The following PDGFRB variants were observed in gnomAD, a reference collection of about 807,000 sequenced individuals.
PDGFRB encodes the protein platelet derived growth factor receptor beta.
In PDGFRB, 42 loss-of-function variants were observed where a neutral mutation model predicts 120.2. The ratio of observed to expected loss-of-function variants is 0.35; its 90% CI spans 0.27 to 0.45. The LOEUF is 0.45. PDGFRB is among the 20% of genes least tolerant of loss of function. PDGFRB has a pLI of 1.00. For missense variants in PDGFRB, 1,149 were observed against 1,476.3 expected, an observed-to-expected ratio of 0.78 and a Z score of 3.63; for synonymous variants, 586 against 606.8, an observed-to-expected ratio of 0.97 and a Z score of 0.50.
At chr5:150,143,952 C>T (rs1760848392) in intron 1 of PDGFRB, among the ~76,000 whole-genome samples, 1 of 152,126 alleles carries the variant, frequency 6.6e-6, no homozygotes, top group Admixed American at 6.5e-5. Context: ...ATTCTCTGTG[C>T]CACGCTGCTT....
chr5:150,134,365 G>A (rs1252188925), intron 4 of PDGFRB, among the ~76,000 whole-genome samples: 1 of 152,204 alleles, frequency 6.6e-6, no homozygotes, highest in Non-Finnish European at 1.5e-5. Flanking sequence ...TTGATCCTAT[G>A]AGGTAGGCAG....
Position 150,130,627 on chromosome 5 carries a change from G to C in PDGFRB, c.1279C>G (p.Pro427Ala). ...VRVLELSESH[P>A]DSGEQTVRCR... ...CGGACTGTCTGTTCCCCACTGTCAG[G>C]GTGGCTCTCACTTAGCTCCAGCACT... The change falls in exon 9 of 23, where the codon CCT becomes GCT. Residue 427 changes from proline (P) to alanine (A), a missense_variant. Around this residue, in one of 3 missense-constraint regions of PDGFRB, gnomAD observed 879 missense variants for 1,108.6 expected, o/e 0.79. Coordinates refer to ENST00000261799, the MANE Select transcript of PDGFRB (RefSeq NM_002609.4). 1 of 1,612,744 alleles carries C rather than the reference G, an allele frequency of 6.2e-7. No individual in the cohort carries two copies. The highest frequency in any genetic ancestry group is 8.5e-7 in the Non-Finnish European group (1 of 1,179,534).
At position 150,130,674 on chromosome 5, in the gene PDGFRB, G is replaced by A; in HGVS notation, c.1244-12C>T. On this transcript the variant is annotated splice_polypyrimidine_tract_variant and intron_variant, in intron 8 of 22. Transcript: ENST00000261799. Reference sequence around the variant, plus strand: ...CACTCGGACAGGGACTGCATGGAGAGAGCACTGAGTTAGGAGGCGGGAGGG... The same window carrying A: ...CACTCGGACAGGGACTGCATGGAGAAAGCACTGAGTTAGGAGGCGGGAGGG... The A allele has an allele frequency of 4.3e-6, 7 of 1,612,658 alleles. No homozygotes were observed. Among genetic ancestry groups the A allele is most frequent in the Non-Finnish European group, 5.9e-6 (7 of 1,179,726 alleles).
chr5:150,139,159 G>A (rs1003813336), intron 1 of PDGFRB, among the ~76,000 whole-genome samples: 2 of 152,202 alleles, frequency 1.3e-5, no homozygotes, highest in African/African-American at 4.8e-5. Flanking sequence ...ATGGGCAGCA[G>A]AGGCCCAGAG....
chr5:150,122,515 T>C (rs1760170660), intron 15 of PDGFRB, among the ~76,000 whole-genome samples: 1 of 152,280 alleles, frequency 6.6e-6, no homozygotes. Flanking sequence ...GGAGACTGAA[T>C]GTCAAAACAT....
intron 10 of PDGFRB, among the ~76,000 whole-genome samples, chr5:150,128,512 C>T (rs536921158): frequency 1.4e-3 from 219 of 152,348 alleles, no homozygotes; most frequent in South Asian, 2.7e-3. Flanking sequence ...GCACTTCCTT[C>T]CCCTTTATCT....
At chr5:150,130,488 T>A in intron 9 of PDGFRB, 51 bp downstream of exon 9, 2 of 1,585,624 alleles carry the variant, frequency 1.3e-6, no homozygotes, top group Non-Finnish European at 1.7e-6. Flanking sequence ...CTTCACGAGC[T>A]TTTTCTAGCC....
At chr5:150,134,271 C>A (rs1398951678) in intron 4 of PDGFRB, among the ~76,000 whole-genome samples, 1 of 152,124 alleles carries the variant, frequency 6.6e-6, no homozygotes, top group Non-Finnish European at 1.5e-5. Flanking sequence ...ATCAAAGTAC[C>A]CTCTGGAGAT....
In PDGFRB at chr5:150,129,878, C is replaced by G. The variant is rs764129390; in HGVS notation, c.1458G>C (p.Glu486Asp). The G allele has an allele frequency of 1.2e-6, 2 of 1,614,102 alleles. No homozygotes were observed. Among genetic ancestry groups the G allele is most frequent in the Non-Finnish European group, 1.7e-6 (2 of 1,179,918 alleles). The stretch of plus-strand genomic sequence containing the variant: ...GTGTGCTCACCACCTCAAACTCCTG[C>G]TCCTCCTCCCAGTACGTCACGTTAG... ...LETNVTYWEE[E>D]QEFEVVSTLR... Residue 486 changes from glutamate (E) to aspartate (D), a missense_variant, in exon 10 of 23, where the codon GAG (glutamate) becomes GAC (aspartate). Around this residue, in one of 3 missense-constraint regions of PDGFRB, gnomAD observed 879 missense variants for 1,108.6 expected, o/e 0.79. Transcript: ENST00000261799.
At chr5:150,136,039 C>T (rs1447884532) in intron 2 of PDGFRB, among the ~76,000 whole-genome samples, 161 bp from the exon 3 acceptor site, 2 of 152,182 alleles carry the variant, frequency 1.3e-5, no homozygotes, top group African/African-American at 4.8e-5. Context: ...CTCTGAGGAC[C>T]GCTCGCCCAG....
Position 150,121,238 on chromosome 5 carries a change from A to G in PDGFRB, c.2429T>C (p.Val810Ala), listed in dbSNP as rs554704450. The G allele has an allele frequency of 2.2e-5, 35 of 1,600,630 alleles. 1 individual carries two copies. In the South Asian group the frequency reaches 3.4e-4, roughly 16 times the overall value. The change falls in exon 17 of 23, where the codon GTG becomes GCG. Residue 810 changes from valine (V) to alanine (A), a missense_variant. Physicochemically the swap from Val to Ala is moderately conservative, Grantham distance 64 (BLOSUM62 0). Coordinates refer to ENST00000261799, the MANE Select transcript of PDGFRB (RefSeq NM_002609.4). This position sits in a 1 kb window ranked among gnomAD's most constrained non-coding sequence, Gnocchi z 4.1. Reference sequence around the variant, plus strand: ...GGCCAGAAACTCCATGCCATTGGCCACCTGGTAGCTGAAGCCCACGAGGTC... The same window carrying G: ...GGCCAGAAACTCCATGCCATTGGCCGCCTGGTAGCTGAAGCCCACGAGGTC... Reference protein sequence around the residue: ...YMDLVGFSYQVANGMEFLASK... With the variant: ...YMDLVGFSYQAANGMEFLASK...
chr5:150,117,923 C>T (rs546272750), intron 21 of PDGFRB, 73 bp from the exon 22 acceptor site: 13 of 805,730 alleles, frequency 1.6e-5, no homozygotes, highest in African/African-American at 8.5e-5. Flanking sequence ...ATCTTCTAAC[C>T]GAGCCCATCC....
intron 1 of PDGFRB, among the ~76,000 whole-genome samples, chr5:150,152,373 T>C (rs1056269774): frequency 6.6e-6 from 1 of 152,206 alleles, no homozygotes; most frequent in Non-Finnish European, 1.5e-5. Context: ...TATATCATCA[T>C]GCTCACACTG....
At chr5:150,148,680 C>T (rs181686325) in intron 1 of PDGFRB, among the ~76,000 whole-genome samples, 1 of 152,234 alleles carries the variant, frequency 6.6e-6, no homozygotes, top group Non-Finnish European at 1.5e-5. Flanking sequence ...CATGGGAGAC[C>T]TCCTTTTCCA....
intron 1 of PDGFRB, among the ~76,000 whole-genome samples, chr5:150,150,793 C>T (rs1008580592): frequency 2.0e-5 from 3 of 152,156 alleles, no homozygotes; most frequent in African/African-American, 4.8e-5. Flanking sequence ...CATTCCCCCC[C>T]TCACCTCTGG....
intron 2 of PDGFRB, among the ~76,000 whole-genome samples, chr5:150,136,189 T>G (rs1760625847): frequency 1.3e-5 from 2 of 152,220 alleles, no homozygotes; most frequent in Non-Finnish European, 2.9e-5. Context: ...TTCCCTGGCC[T>G]CCAGTTCCTG....
At chr5:150,154,421 T>C (rs1761173615) in intron 1 of PDGFRB, among the ~76,000 whole-genome samples, 1 of 152,170 alleles carries the variant, frequency 6.6e-6, no homozygotes, top group African/African-American at 2.4e-5. Flanking sequence ...AAGTTCCTCA[T>C]GTATAAAACG....
intron 22 of PDGFRB, 76 bp downstream of exon 22, chr5:150,117,542 G>GCACACA (rs1289430637): frequency 0.011 from 5,045 of 461,050 alleles, 26 homozygotes; most frequent in East Asian, 0.02. Flanking sequence ...GCGCGCGCGC[G>GCACACA]CGCACACACA....
chr5:150,117,536 GCGCGCGCGCACACACACACACACACA>G (rs1386762527), intron 22 of PDGFRB, 56 bp downstream of exon 22: 3 of 677,436 alleles, frequency 4.4e-6, no homozygotes, highest in African/African-American at 2.8e-5. Context: ...CAGCGCGCGC[GCGCGCGCGCACACACACACACACACA>G]CACACACACA....
Sources: allele counts gnomAD v4.1 joint callset (sites outside exome capture counted in the v4.1 genomes callset), GRCh38; gene constraint gnomAD v4.1.1; regional missense constraint gnomAD v4.1.1; non-coding constraint Gnocchi (gnomAD v3.1); transcripts MANE v1.5; gene names NCBI Gene and HGNC (gene_info 2026-07-23, HGNC 2026-07-21).